Variants in HS3ST5 observed in about 807,000 individuals in gnomAD.
HS3ST5 encodes heparan sulfate-glucosamine 3-sulfotransferase 5.
A neutral mutation model predicts 25.4 loss-of-function variants in HS3ST5; 10 were observed. That is an observed-to-expected ratio of 0.39 (90% CI 0.24 to 0.67). The LOEUF (loss-of-function observed/expected upper bound fraction) is 0.67. Ranked by LOEUF, HS3ST5 falls within the 30% of genes least tolerant of loss-of-function variation. HS3ST5 has a pLI of 0.44. For missense variants in HS3ST5, 324 were observed against 420.7 expected (o/e 0.77, Z 2.01); for synonymous variants, 170 against 162.4 (o/e 1.05, Z -0.36).
At chr6:114,168,912 T>C (rs1779341231) in intron 2 of HS3ST5, among the ~76,000 whole-genome samples, 1 of 152,202 alleles carries the variant, frequency 6.6e-6, no homozygotes. Flanking sequence ...TTCTTACCTT[T>C]GCTACTATTT....
At chr6:114,068,220 TAC>T (rs1000638409) in intron 3 of HS3ST5, among the ~76,000 whole-genome samples, 2 of 152,190 alleles carry the variant, frequency 1.3e-5, no homozygotes, top group Non-Finnish European at 2.9e-5. Context: ...GGCGCATGCA[TAC>T]ACACACAGTC....
At chr6:114,300,097 GC>G (rs1028766440) in intron 1 of HS3ST5, among the ~76,000 whole-genome samples, 1 of 151,578 alleles carries the variant, frequency 6.6e-6, no homozygotes, top group Admixed American at 6.6e-5. Flanking sequence ...AGTATTTTAG[GC>G]AGTCTTTTTT....
chr6:114,269,537 A>G (rs1215988285), intron 1 of HS3ST5, among the ~76,000 whole-genome samples: 7 of 152,198 alleles, frequency 4.6e-5, no homozygotes, highest in African/African-American at 1.7e-4. Flanking sequence ...CACTCAGTGT[A>G]TTTAGAAAAC....
intron 3 of HS3ST5, among the ~76,000 whole-genome samples, chr6:114,096,546 A>G (rs965544965): frequency 1.3e-5 from 2 of 152,280 alleles, no homozygotes; most frequent in South Asian, 4.1e-4. Flanking sequence ...GAGCATTTGA[A>G]TAACCAGAGA....
Position 114,057,452 on chromosome 6 carries a change from G to C in HS3ST5, c.846C>G (p.Tyr282Ter), listed in dbSNP as rs1408199464. The C allele has an allele frequency of 6.2e-7, 1 of 1,614,158 alleles. No individual in the cohort carries two copies. Among genetic ancestry groups the C allele is most frequent in the Non-Finnish European group, 8.5e-7 (1 of 1,180,018 alleles). ...FLNLPPRISQ[Y>*]NLYFNATRGF... ...CTCTGGTAGCATTGAAGTATAAATT[G>C]TATTGACTTATCCTTGGAGGCAGAT... The change falls in exon 5 of 5, where the codon TAC (tyrosine) becomes TAG (stop). Residue 282 changes from tyrosine (Y) to a stop codon, truncating the protein, a stop_gained. Coordinates refer to ENST00000312719, the MANE Select transcript of HS3ST5 (RefSeq NM_153612.4). LOFTEE classifies it high-confidence loss of function.
At chr6:114,287,187 A>G (rs1774376127) in intron 1 of HS3ST5, among the ~76,000 whole-genome samples, 1 of 152,072 alleles carries the variant, frequency 6.6e-6, no homozygotes. Context: ...TACTATTAAT[A>G]TTATGCATTC....
intron 2 of HS3ST5, among the ~76,000 whole-genome samples, chr6:114,191,714 G>A (rs1477275155): frequency 6.6e-6 from 1 of 152,168 alleles, no homozygotes; most frequent in Admixed American, 6.5e-5. Flanking sequence ...GGCTGTGTGT[G>A]GAGGGAACTA....
chr6:114,177,346 A>C (rs1439090268), intron 2 of HS3ST5, among the ~76,000 whole-genome samples: 1 of 152,202 alleles, frequency 6.6e-6, no homozygotes, highest in Non-Finnish European at 1.5e-5. Flanking sequence ...CTATGGGAAC[A>C]TAATGCCACA....
chr6:114,287,094 T>G (rs1774372480), intron 1 of HS3ST5, among the ~76,000 whole-genome samples: 1 of 151,944 alleles, frequency 6.6e-6, no homozygotes, highest in African/African-American at 2.4e-5. Flanking sequence ...TTTATTCAAG[T>G]GCATTTTAGA....
chr6:114,290,797 T>A (rs2114773590), intron 1 of HS3ST5, among the ~76,000 whole-genome samples: 1 of 152,052 alleles, frequency 6.6e-6, no homozygotes, highest in African/African-American at 2.4e-5. Flanking sequence ...TTTTAAAAAA[T>A]AAAAAGGAGA....
At chr6:114,230,123 C>CTTTTTT (rs910225173) in intron 1 of HS3ST5, 16 of 75,956 alleles carry the variant, frequency 2.1e-4, no homozygotes, top group East Asian at 1.1e-3. Flanking sequence ...TGGAACTTGC[C>CTTTTTT]TTTTTTTTTT....
chr6:114,207,350 G>A (rs528251932), intron 2 of HS3ST5, among the ~76,000 whole-genome samples: 2 of 152,274 alleles, frequency 1.3e-5, no homozygotes, highest in Admixed American at 6.5e-5. Context: ...AACCAGAGAC[G>A]AGGTGATATA....
chr6:114,248,251 T>A (rs1369594840), intron 1 of HS3ST5, among the ~76,000 whole-genome samples: 4 of 148,838 alleles, frequency 2.7e-5, no homozygotes, highest in African/African-American at 9.8e-5. Context: ...ATATTCACTA[T>A]GGGCTCCACT....
rs569799176 is a variant in HS3ST5, at chr6:114,224,657, CAAAT to C, written c.-145+3924_-145+3927del. The stretch of plus-strand genomic sequence containing the variant: ...TCCTTGATATTGAGAATAAAGTAAT[CAAAT>C]AACTTATTTTATACATATATATATA... On this transcript the variant is annotated intron_variant, in intron 2 of 4. Coordinates refer to ENST00000312719, the MANE Select transcript of HS3ST5 (RefSeq NM_153612.4). 2.1e-4 allele frequency among the ~76,000 whole-genome samples: 31 copies of C among 149,490 alleles called. No individual in the cohort carries two copies. In the South Asian group the frequency reaches 6.2e-3, roughly 30 times the overall value.
chr6:114,236,096 T>A (rs1366202230), intron 1 of HS3ST5, among the ~76,000 whole-genome samples: 3 of 152,302 alleles, frequency 2.0e-5, no homozygotes, highest in South Asian at 2.1e-4. Flanking sequence ...AGATTTATTA[T>A]GGGGTTCATT....
intron 3 of HS3ST5, among the ~76,000 whole-genome samples, chr6:114,166,356 G>C (rs1448939624): frequency 6.6e-6 from 1 of 152,126 alleles, no homozygotes; most frequent in Admixed American, 6.6e-5. Context: ...AATAGCAGCA[G>C]CCAAGGAACT....
At chr6:114,282,205 T>G (rs1034893426) in intron 1 of HS3ST5, among the ~76,000 whole-genome samples, 56 of 151,964 alleles carry the variant, frequency 3.7e-4, no homozygotes, top group African/African-American at 1.2e-3. Context: ...CATATTAACA[T>G]AAAAAATCCC....
chr6:114,341,066 A>G (rs1290227757), intron 1 of HS3ST5, among the ~76,000 whole-genome samples: 1 of 150,310 alleles, frequency 6.7e-6, no homozygotes, highest in Non-Finnish European at 1.5e-5. Flanking sequence ...AAGTAATATG[A>G]CATAAAGCAC....
rs113851192 is a variant in HS3ST5, at chr6:114,062,435, T to C, written c.107+304A>G. Among the ~76,000 whole-genome samples, 384 of 152,340 alleles carry C rather than the reference T, an allele frequency of 2.5e-3. 1 individual carries two copies. Among genetic ancestry groups the C allele is most frequent in the Middle Eastern group, 0.01 (3 of 294 alleles). On this transcript the variant is annotated intron_variant, in intron 4 of 4. Transcript: ENST00000312719. ...GCTACAGCTAGAGGTCAACACCAGATGCACACGGACCAACTGAGCTCTATT... is the reference window on the plus strand; with the variant it reads ...GCTACAGCTAGAGGTCAACACCAGACGCACACGGACCAACTGAGCTCTATT...
Sources: gnomAD v4.1 joint callset for allele counts (sites outside exome capture counted in the v4.1 genomes callset) on GRCh38, gnomAD v4.1.1 for gene constraint, MANE v1.5 for transcripts, NCBI Gene and HGNC (gene_info 2026-07-23, HGNC 2026-07-21) for gene names.